PTPRK: variants seen among roughly 807,000 people sequenced by gnomAD.
The protein encoded by PTPRK is protein tyrosine phosphatase receptor type K, also known as receptor-type tyrosine-protein phosphatase kappa.
PTPRK carries 75 observed loss-of-function variants against 178.0 expected under a neutral mutation model. That is an observed-to-expected ratio of 0.42 (90% CI 0.35 to 0.51). PTPRK has a LOEUF of 0.51. PTPRK is among the 20% of genes least tolerant of loss of function. The pLI is 0.02. For synonymous variants in PTPRK, 637 were observed against 620.6 expected, an observed-to-expected ratio of 1.03 and a Z score of -0.39; for missense variants, 1,441 against 1,797.8, an observed-to-expected ratio of 0.80 and a Z score of 3.59.
intron 7 of PTPRK, among the ~76,000 whole-genome samples, chr6:128,137,027 C>T (rs1010926215): frequency 6.6e-6 from 1 of 152,190 alleles, no homozygotes; most frequent in African/African-American, 2.4e-5. Flanking sequence ...ACCCTAGCCT[C>T]TTCCTATCTG....
intron 7 of PTPRK, among the ~76,000 whole-genome samples, chr6:128,134,977 A>AT (rs1356858257): frequency 6.6e-6 from 1 of 152,044 alleles, no homozygotes; most frequent in Non-Finnish European, 1.5e-5. Flanking sequence ...CAGACTCAAG[A>AT]TTGCAACATC....
At chr6:128,064,485 G>A (rs952424904) in intron 13 of PTPRK, among the ~76,000 whole-genome samples, 3 of 152,174 alleles carry the variant, frequency 2.0e-5, no homozygotes, top group African/African-American at 7.2e-5. Flanking sequence ...GATATTGGTT[G>A]ATCAGCAGCA....
At chr6:128,336,164 C>T (rs891132760) in intron 2 of PTPRK, among the ~76,000 whole-genome samples, 12 of 150,942 alleles carry the variant, frequency 8.0e-5, no homozygotes, top group South Asian at 2.1e-4. Context: ...AGCTGCATGA[C>T]GCAAGTGACC....
Position 128,223,434 on chromosome 6 carries a change from G to A in PTPRK, c.694-4338C>T, listed in dbSNP as rs142350300. Among the ~76,000 whole-genome samples, 136 of 152,050 alleles carry A rather than the reference G, an allele frequency of 8.9e-4. 1 individual carries two copies. The East Asian group carries it at 0.011, about 13-fold the overall frequency. Reference sequence around the variant, plus strand: ...AATTATACCACAACTCAGAGAGGCTGAGGGGTATACTTAAACTCATCCAGG... The same window carrying A: ...AATTATACCACAACTCAGAGAGGCTAAGGGGTATACTTAAACTCATCCAGG... On this transcript the variant is annotated intron_variant, in intron 5 of 29. Coordinates refer to ENST00000368226, the MANE Select transcript of PTPRK (RefSeq NM_002844.4).
intron 1 of PTPRK, among the ~76,000 whole-genome samples, chr6:128,455,096 T>A (rs142764106): frequency 5.6e-4 from 85 of 152,272 alleles, no homozygotes; most frequent in African/African-American, 1.9e-3. Context: ...TTTTTCTAGC[T>A]CCTAAATGAT....
At chr6:128,439,269 C>T (rs1325947029) in intron 1 of PTPRK, among the ~76,000 whole-genome samples, 1 of 152,012 alleles carries the variant, frequency 6.6e-6, no homozygotes, top group African/African-American at 2.4e-5. Context: ...TGAATGAGCA[C>T]GGTAGATAAC....
At chr6:128,442,998 A>G (rs1846478561) in intron 1 of PTPRK, among the ~76,000 whole-genome samples, 1 of 152,212 alleles carries the variant, frequency 6.6e-6, no homozygotes, top group Non-Finnish European at 1.5e-5. Flanking sequence ...TCAGAACTGT[A>G]AAGTTCAGAA....
chr6:128,133,332 C>A (rs1390553185), intron 7 of PTPRK, among the ~76,000 whole-genome samples: 1 of 151,990 alleles, frequency 6.6e-6, no homozygotes, highest in Non-Finnish European at 1.5e-5. Context: ...TCAAAAAGAA[C>A]ACATTTTCAT....
chr6:128,321,087 C>T (rs964542856), intron 3 of PTPRK: 9 of 152,008 alleles, frequency 5.9e-5, no homozygotes, highest in African/African-American at 2.2e-4. Context: ...AGAATAAAGA[C>T]AAACCTAACT....
chr6:128,294,504 T>C (rs1172661076), intron 3 of PTPRK, among the ~76,000 whole-genome samples: 1 of 152,116 alleles, frequency 6.6e-6, no homozygotes, highest in Non-Finnish European at 1.5e-5. Context: ...TAGCATCTTG[T>C]TTCCATTTAC....
At chr6:128,344,504 T>C (rs1832130481) in intron 2 of PTPRK, among the ~76,000 whole-genome samples, 1 of 152,038 alleles carries the variant, frequency 6.6e-6, no homozygotes, top group African/African-American at 2.4e-5. Context: ...ATTCAGTCTT[T>C]TATCCACCCC....
At chr6:128,312,409 G>A (rs887979709) in intron 3 of PTPRK, among the ~76,000 whole-genome samples, 1 of 152,154 alleles carries the variant, frequency 6.6e-6, no homozygotes, top group African/African-American at 2.4e-5. Context: ...TAGCCTTGGG[G>A]GAGTAGAAGT....
At chr6:128,327,826 G>T (rs1829769787) in intron 2 of PTPRK, among the ~76,000 whole-genome samples, 1 of 152,158 alleles carries the variant, frequency 6.6e-6, no homozygotes, top group Admixed American at 6.5e-5. Context: ...ACCCAAGAAA[G>T]AAACCAATAT....
At chr6:128,311,004 T>C (rs867744515) in intron 3 of PTPRK, among the ~76,000 whole-genome samples, 1 of 152,126 alleles carries the variant, frequency 6.6e-6, no homozygotes, top group Non-Finnish European at 1.5e-5. Context: ...TAAGGGAAAG[T>C]TCCCCCGGGA....
At chr6:128,021,334 A>G (rs1773470363) in intron 13 of PTPRK, among the ~76,000 whole-genome samples, 1 of 152,152 alleles carries the variant, frequency 6.6e-6, no homozygotes, top group South Asian at 2.1e-4. Flanking sequence ...GACCCTTTTG[A>G]TAAGAAAGTT....
chr6:128,323,495 A>T (rs1829122304), intron 2 of PTPRK, among the ~76,000 whole-genome samples: 1 of 152,124 alleles, frequency 6.6e-6, no homozygotes, highest in South Asian at 2.1e-4. Context: ...TCCTGACAAC[A>T]TGTAAAAGTA....
chr6:128,231,373 G>T (rs893849531), intron 5 of PTPRK, among the ~76,000 whole-genome samples: 3 of 152,130 alleles, frequency 2.0e-5, no homozygotes, highest in African/African-American at 7.2e-5. Context: ...AATCACTACT[G>T]CTTAGACAAA....
At chr6:128,179,702 G>A (rs1028696802) in intron 7 of PTPRK, among the ~76,000 whole-genome samples, 1 of 151,974 alleles carries the variant, frequency 6.6e-6, no homozygotes, top group African/African-American at 2.4e-5. Context: ...CTGAGTGTTA[G>A]CGGTTACTAG....
chr6:127,982,439 A>AT (rs1440154190), intron 24 of PTPRK, among the ~76,000 whole-genome samples: 4 of 151,584 alleles, frequency 2.6e-5, no homozygotes, highest in African/African-American at 7.3e-5. Context: ...TGCCTGGCTA[A>AT]TTTTTTTTGT....
Sources: gnomAD v4.1 joint callset for allele counts (sites outside exome capture counted in the v4.1 genomes callset) on GRCh38, gnomAD v4.1.1 for gene constraint, MANE v1.5 for transcripts, NCBI Gene and HGNC (gene_info 2026-07-23, HGNC 2026-07-21) for gene names.